The following PEPD variants were observed in gnomAD, a reference collection of about 807,000 sequenced individuals.
PEPD encodes xaa-Pro dipeptidase.
In PEPD, 53 loss-of-function variants were observed where a neutral mutation model predicts 60.7. That is an observed-to-expected ratio of 0.87 (90% CI 0.70 to 1.10). The LOEUF (loss-of-function observed/expected upper bound fraction) is 1.10. Among genes scored for constraint, PEPD ranks in the 50% least tolerant of loss-of-function variants. The probability of loss-of-function intolerance (pLI) is 0.00; values close to 1 mark genes in which losing one functional copy is unlikely to be tolerated. For missense variants in PEPD, 711 were observed against 711.9 expected (o/e 1.00, Z 0.01); for synonymous variants, 267 against 284.1 (o/e 0.94, Z 0.60).
chr19:33,493,699 C>A (rs941495234), intron 4 of PEPD, among the ~76,000 whole-genome samples: 1 of 152,108 alleles, frequency 6.6e-6, no homozygotes, highest in Non-Finnish European at 1.5e-5. Flanking sequence ...ACCCGTCCCC[C>A]GGGAACCCTT....
intron 1 of PEPD, among the ~76,000 whole-genome samples, chr19:33,520,387 G>T (rs984726834): frequency 6.6e-6 from 1 of 152,208 alleles, no homozygotes; most frequent in South Asian, 2.1e-4. Flanking sequence ...CTACCTGAAG[G>T]GAGTCTCATT....
At chr19:33,449,861 G>A (rs1277787177) in intron 9 of PEPD, among the ~76,000 whole-genome samples, 1 of 152,194 alleles carries the variant, frequency 6.6e-6, no homozygotes, top group East Asian at 1.9e-4. Context: ...TGTCCGGGGT[G>A]ACATGATCAA....
chr19:33,450,847 G>A (rs988056663), intron 9 of PEPD, among the ~76,000 whole-genome samples: 1 of 152,132 alleles, frequency 6.6e-6, no homozygotes, highest in Non-Finnish European at 1.5e-5. Context: ...GCCAAAACAG[G>A]TCCCAGGTAA....
chr19:33,425,411 C>T (rs1391104265), intron 9 of PEPD, among the ~76,000 whole-genome samples: 3 of 152,182 alleles, frequency 2.0e-5, no homozygotes, highest in Non-Finnish European at 4.4e-5. Flanking sequence ...ACCCTGTCTC[C>T]ATCCTCCCCA....
chr19:33,435,571 G>C (rs990496911), intron 9 of PEPD, among the ~76,000 whole-genome samples: 6 of 152,236 alleles, frequency 3.9e-5, no homozygotes, highest in Non-Finnish European at 8.8e-5. Flanking sequence ...GGTCCCAGCA[G>C]GGCCTGCCCT....
Position 33,492,313 on chromosome 19 carries a change from G to A in PEPD, c.441+977C>T, listed in dbSNP as rs756903416. ...CACCCCTGCTACCTTGAGGGCAGAC[G>A]CCCGGTGGTGTGGTTTTCAGACCCC... On this transcript the variant is annotated intron_variant, in intron 5 of 14. Coordinates refer to ENST00000244137, the MANE Select transcript of PEPD (RefSeq NM_000285.4). Among the ~76,000 whole-genome samples the A allele has an allele frequency of 2.4e-4, 36 of 152,290 alleles. No homozygotes were observed. In the South Asian group the frequency reaches 3.5e-3, roughly 15 times the overall value.
intron 9 of PEPD, among the ~76,000 whole-genome samples, chr19:33,436,228 G>C (rs1969373703): frequency 6.6e-6 from 1 of 151,194 alleles, no homozygotes; most frequent in African/African-American, 2.4e-5. Context: ...GAGGGAGAGG[G>C]AGAGGAGGGA....
intron 9 of PEPD, among the ~76,000 whole-genome samples, chr19:33,436,210 AAGAGGG>A (rs142396451): frequency 0.02 from 3,069 of 151,210 alleles, 47 homozygotes; most frequent in South Asian, 0.071. Context: ...GAGGAAAGAG[AAGAGGG>A]AGAGGGAGAG....
intron 7 of PEPD, among the ~76,000 whole-genome samples, chr19:33,477,553 AAG>A (rs1227903151): frequency 5.9e-5 from 9 of 152,354 alleles, no homozygotes; most frequent in Admixed American, 1.3e-4. Flanking sequence ...CGCCCAGCAT[AAG>A]ACAGCTCACT....
At position 33,423,805 on chromosome 19, in the gene PEPD, A is replaced by G. The variant is rs557225160; in HGVS notation, c.672-10162T>C. Among the ~76,000 whole-genome samples, 151 of 152,262 alleles carry G rather than the reference A, an allele frequency of 9.9e-4. 1 individual carries two copies. Among genetic ancestry groups the G allele is most frequent in the Non-Finnish European group, 1.8e-3 (124 of 68,020 alleles). ...TGGCATTTCTGGACAGATAATTTAC[A>G]TTTTTATTGGCTAGATCTGTTACAT... On this transcript the variant is annotated intron_variant, in intron 9 of 14. Coordinates refer to ENST00000244137, the MANE Select transcript of PEPD (RefSeq NM_000285.4).
chr19:33,387,640 A>G, intron 14 of PEPD, 159 bp from the exon 15 acceptor site: 4 of 939,708 alleles, frequency 4.3e-6, no homozygotes, highest in South Asian at 1.4e-5. Flanking sequence ...CCATCTGCCC[A>G]TGTCACCTGC....
chr19:33,483,565 T>G (rs1007274204), intron 6 of PEPD, among the ~76,000 whole-genome samples: 3 of 152,076 alleles, frequency 2.0e-5, no homozygotes, highest in African/African-American at 7.2e-5. Context: ...ATCCCAACAG[T>G]TTGGGAGGCC....
At chr19:33,509,106 G>A (rs74934316) in intron 3 of PEPD, among the ~76,000 whole-genome samples, 14,473 of 152,284 alleles carry the variant, frequency 0.095, 719 homozygotes, top group East Asian at 0.15. Context: ...ACACCAGCAC[G>A]CTGAGCCATC....
chr19:33,452,987 T>C (rs1451468401), intron 9 of PEPD, among the ~76,000 whole-genome samples: 1 of 152,162 alleles, frequency 6.6e-6, no homozygotes, highest in African/African-American at 2.4e-5. Context: ...AATATATAGC[T>C]CAATTTCCTA....
At chr19:33,430,881 C>A (rs1195554973) in intron 9 of PEPD, among the ~76,000 whole-genome samples, 1 of 152,104 alleles carries the variant, frequency 6.6e-6, no homozygotes, top group Admixed American at 6.5e-5. Flanking sequence ...CTGCCACGCA[C>A]ACAGAGCTCC....
In PEPD at chr19:33,521,762, T is replaced by C. The variant is rs1392535879; in HGVS notation, c.-2A>G. ...CACTCACCCGGTGGCCGCCGCCATG[T>C]TCGCCCGGCACCGGCGTCACGTGAA... On this transcript the variant is annotated 5_prime_UTR_variant, in exon 1 of 15. Coordinates refer to ENST00000244137, the MANE Select transcript of PEPD (RefSeq NM_000285.4). 1.3e-6 allele frequency: 2 copies of C among 1,577,846 alleles called. No homozygotes were observed. Among genetic ancestry groups the C allele is most frequent in the African/African-American group, 2.7e-5 (2 of 74,328 alleles).
chr19:33,464,370 C>T (rs1401933854), intron 7 of PEPD, among the ~76,000 whole-genome samples: 2 of 152,218 alleles, frequency 1.3e-5, no homozygotes, highest in East Asian at 3.9e-4. Context: ...CAGCTTGTCA[C>T]AGGCTGCCTC....
intron 12 of PEPD, 111 bp from the exon 13 acceptor site, chr19:33,391,590 G>A: frequency 2.9e-6 from 3 of 1,021,592 alleles, no homozygotes. Flanking sequence ...GAGGGCCTGA[G>A]GTGGGGGGTG....
At chr19:33,443,777 C>T (rs17760994) in intron 9 of PEPD, among the ~76,000 whole-genome samples, 13,795 of 152,248 alleles carry the variant, frequency 0.091, 652 homozygotes, top group Middle Eastern at 0.13. Context: ...GTGTACCATA[C>T]GCACATGCGC....
Sources: allele counts gnomAD v4.1 joint callset (sites outside exome capture counted in the v4.1 genomes callset), GRCh38; gene constraint gnomAD v4.1.1; transcripts MANE v1.5; gene names NCBI Gene and HGNC (gene_info 2026-07-23, HGNC 2026-07-21).